KCNH5: variants seen among roughly 807,000 people sequenced by gnomAD.
The protein encoded by KCNH5 is potassium voltage-gated channel subfamily H member 5.
A neutral mutation model predicts 96.1 loss-of-function variants in KCNH5; 46 were observed. That is an observed-to-expected ratio of 0.48 (90% CI 0.38 to 0.61). KCNH5 has a LOEUF of 0.61. Ranked by LOEUF, KCNH5 falls within the 20% of genes least tolerant of loss-of-function variation. KCNH5 has a pLI of 0.00. For missense variants in KCNH5, 907 were observed against 1,225.8 expected (o/e 0.74, Z 3.88); for synonymous variants, 439 against 449.8 (o/e 0.98, Z 0.30).
intron 7 of KCNH5, among the ~76,000 whole-genome samples, chr14:62,938,535 G>A (rs917968017): frequency 2.0e-5 from 3 of 152,156 alleles, no homozygotes; most frequent in African/African-American, 7.2e-5. Context: ...ATTTTAATAA[G>A]TTCTAAATAT....
intron 6 of KCNH5, among the ~76,000 whole-genome samples, chr14:62,969,602 G>A (rs944066758): frequency 4.6e-5 from 7 of 151,932 alleles, no homozygotes; most frequent in African/African-American, 1.5e-4. Context: ...TGCCAGGGAC[G>A]GGGAGGGAGA....
intron 4 of KCNH5, among the ~76,000 whole-genome samples, chr14:62,992,488 G>A (rs1257144571): frequency 6.6e-6 from 1 of 151,842 alleles, no homozygotes; most frequent in Non-Finnish European, 1.5e-5. Flanking sequence ...ACCAACATCT[G>A]CTATTTTTTG....
chr14:63,023,084 T>C (rs1041365935), intron 1 of KCNH5, among the ~76,000 whole-genome samples: 1 of 151,554 alleles, frequency 6.6e-6, no homozygotes, highest in Non-Finnish European at 1.5e-5. Flanking sequence ...ACACCTGTAG[T>C]CCCAGCTACC....
At chr14:62,897,969 T>A (rs1186191644) in intron 7 of KCNH5, among the ~76,000 whole-genome samples, 1 of 152,142 alleles carries the variant, frequency 6.6e-6, no homozygotes, top group African/African-American at 2.4e-5. Flanking sequence ...ATGTGAAAAT[T>A]TCTCATTTAA....
chr14:62,767,250 T>C (rs957853828), intron 10 of KCNH5, among the ~76,000 whole-genome samples: 26 of 152,210 alleles, frequency 1.7e-4, no homozygotes, highest in African/African-American at 6.0e-4. Flanking sequence ...TCACCTACTG[T>C]GGAAAGCAGC....
rs1025839588 is a variant in KCNH5, at chr14:62,700,056, A to G, written c.*7452T>C. 6.6e-6 allele frequency: 1 copy of G among 152,166 alleles called. No homozygotes were observed. The highest frequency in any genetic ancestry group is 1.5e-5 in the Non-Finnish European group (1 of 68,022). 9.4% of individuals were successfully genotyped at this position (152,166 alleles called of 1,614,324 possible). Reference sequence around the variant, plus strand: ...GGTTGCAGTGACAAAAACATTTAAGAAGTTGCAAAATTAATTCCCATAGTA... The same window carrying G: ...GGTTGCAGTGACAAAAACATTTAAGGAGTTGCAAAATTAATTCCCATAGTA... On this transcript the variant is annotated 3_prime_UTR_variant, in exon 11 of 11. Coordinates refer to ENST00000322893, the MANE Select transcript of KCNH5 (RefSeq NM_139318.5).
intron 7 of KCNH5, among the ~76,000 whole-genome samples, chr14:62,895,453 C>T (rs1888791620): frequency 6.6e-6 from 1 of 152,042 alleles, no homozygotes; most frequent in Non-Finnish European, 1.5e-5. Context: ...GCCTCAGCCT[C>T]CCGAGTAGCT....
At chr14:62,890,571 C>A (rs1214556764) in intron 7 of KCNH5, among the ~76,000 whole-genome samples, 2 of 151,222 alleles carry the variant, frequency 1.3e-5, no homozygotes, top group South Asian at 2.1e-4. Flanking sequence ...TGGTGGCAGG[C>A]GCCTGTAGTC....
chr14:62,889,822 G>A (rs1255154896), intron 7 of KCNH5, among the ~76,000 whole-genome samples: 1 of 152,172 alleles, frequency 6.6e-6, no homozygotes, highest in Non-Finnish European at 1.5e-5. Context: ...TAGGAGAGAA[G>A]CTAATTATCC....
intron 1 of KCNH5, among the ~76,000 whole-genome samples, chr14:63,036,060 T>C (rs942129731): frequency 2.0e-5 from 3 of 152,098 alleles, no homozygotes; most frequent in African/African-American, 4.8e-5. Flanking sequence ...CCTCATAGAG[T>C]TCCAGAAAGA....
intron 10 of KCNH5, among the ~76,000 whole-genome samples, chr14:62,718,230 C>G (rs1884727540): frequency 6.6e-6 from 1 of 152,008 alleles, no homozygotes; most frequent in Non-Finnish European, 1.5e-5. Flanking sequence ...ATAGAAGCCC[C>G]AACCTCAGCA....
chr14:62,797,624 A>ACAT (rs1383790802), intron 9 of KCNH5, among the ~76,000 whole-genome samples: 1 of 152,138 alleles, frequency 6.6e-6, no homozygotes. Flanking sequence ...TTATTCATTC[A>ACAT]CATCTCATTT....
In KCNH5 at chr14:62,849,761, A is replaced by G. The variant is rs1268998047; in HGVS notation, c.1461T>C (p.Asn487=). Residue 487 remains asparagine, a synonymous_variant, in exon 8 of 11, where the codon AAT becomes AAC. Coordinates refer to ENST00000322893, the MANE Select transcript of KCNH5 (RefSeq NM_139318.5). ...NTNRYHEMLN[N]VRDFLKLYQV... is the part of the protein sequence containing the mutation. ...GATAGAGTTTTAGGAAGTCCCGTAC[A>G]TTATTCAGCATCTCATGGTATCGGT... 6.2e-7 allele frequency: 1 copy of G among 1,613,916 alleles called. No individual in the cohort carries two copies. Among genetic ancestry groups the G allele is most frequent in the Non-Finnish European group, 8.5e-7 (1 of 1,179,824 alleles).
chr14:62,908,290 G>A (rs1412094813), intron 7 of KCNH5, among the ~76,000 whole-genome samples: 2 of 152,140 alleles, frequency 1.3e-5, no homozygotes, highest in South Asian at 2.1e-4. Flanking sequence ...TGAAGTCAAC[G>A]GGTTTGTTAG....
At chr14:62,801,343 C>T (rs1000911308) in intron 9 of KCNH5, among the ~76,000 whole-genome samples, 4 of 147,208 alleles carry the variant, frequency 2.7e-5, no homozygotes, top group Admixed American at 6.9e-5. Context: ...AAAATGAAGT[C>T]GACATCCTGC....
intron 10 of KCNH5, among the ~76,000 whole-genome samples, chr14:62,732,879 C>CTCTT (rs1885079837): frequency 6.6e-6 from 1 of 152,088 alleles, no homozygotes; most frequent in South Asian, 2.1e-4. Flanking sequence ...TACAGTTTCT[C>CTCTT]TCTTTCTGTC....
chr14:62,966,304 A>C (rs1389477602), intron 6 of KCNH5, among the ~76,000 whole-genome samples: 1 of 152,234 alleles, frequency 6.6e-6, no homozygotes, highest in African/African-American at 2.4e-5. Context: ...AGGGCACAGA[A>C]TAGAAATCAC....
intron 7 of KCNH5, among the ~76,000 whole-genome samples, chr14:62,907,349 T>A (rs1159527647): frequency 6.6e-6 from 1 of 152,200 alleles, no homozygotes; most frequent in African/African-American, 2.4e-5. Context: ...TACTCTCCCT[T>A]GTTTATGATG....
At chr14:62,909,518 A>T (rs980487508) in intron 7 of KCNH5, among the ~76,000 whole-genome samples, 1 of 152,064 alleles carries the variant, frequency 6.6e-6, no homozygotes, top group African/African-American at 2.4e-5. Flanking sequence ...CAGGCCAAAA[A>T]CCTCAACCTC....
Sources: allele counts gnomAD v4.1 joint callset (sites outside exome capture counted in the v4.1 genomes callset), GRCh38; gene constraint gnomAD v4.1.1; transcripts MANE v1.5; gene names NCBI Gene and HGNC (gene_info 2026-07-23, HGNC 2026-07-21).